The following MEGF9 variants were observed in gnomAD, a reference collection of about 807,000 sequenced individuals.
The protein encoded by MEGF9 is multiple EGF like domains 9.
A neutral mutation model predicts 46.8 loss-of-function variants in MEGF9; 6 were observed. The observed-to-expected ratio is 0.13, with a 90% CI of 0.07 to 0.25. MEGF9 has a LOEUF of 0.25. Among genes scored for constraint, MEGF9 ranks in the 10% least tolerant of loss-of-function variants. The pLI is 1.00. For missense variants in MEGF9, 683 were observed against 792.4 expected, an observed-to-expected ratio of 0.86 and a Z score of 1.66; for synonymous variants, 302 against 330.7, an observed-to-expected ratio of 0.91 and a Z score of 0.94.
chr9:120,626,319 T>C (rs1252533925), intron 2 of MEGF9, among the ~76,000 whole-genome samples: 7 of 152,238 alleles, frequency 4.6e-5, no homozygotes, highest in African/African-American at 1.7e-4. Flanking sequence ...TAAGTGTAAC[T>C]ATGCATATAC....
intron 1 of MEGF9, among the ~76,000 whole-genome samples, chr9:120,681,839 T>G (rs1246467014): frequency 6.6e-6 from 1 of 152,202 alleles, no homozygotes; most frequent in African/African-American, 2.4e-5. Context: ...TTTGAATAAC[T>G]TGAAATCCAG....
rs2043410031 is a variant in MEGF9, at chr9:120,604,266, G to A, written c.*924C>T. ...AATGTCCTCAAGAAGGACTAAAAAT[G>A]ACGGATGCTCACCAGAGTCCCAGCT... On this transcript the variant is annotated 3_prime_UTR_variant, in exon 6 of 6. Transcript: ENST00000373930. The A allele has an allele frequency of 6.6e-6, 1 of 152,382 alleles. No individual in the cohort carries two copies. The highest frequency in any genetic ancestry group is 2.4e-5 in the African/African-American group (1 of 41,456). 9.4% of individuals were successfully genotyped at this position (152,382 alleles called of 1,614,324 possible).
intron 3 of MEGF9, among the ~76,000 whole-genome samples, chr9:120,618,766 G>C (rs889197423): frequency 6.6e-6 from 1 of 151,890 alleles, no homozygotes; most frequent in African/African-American, 2.4e-5. Flanking sequence ...GGCGTGTGAT[G>C]GTGGGCGCCT....
chr9:120,708,135 A>AT (rs1456915860), intron 1 of MEGF9, among the ~76,000 whole-genome samples: 1 of 152,128 alleles, frequency 6.6e-6, no homozygotes, highest in East Asian at 1.9e-4. Context: ...AGGTGGGCGG[A>AT]TTGCCTGAGG....
intron 2 of MEGF9, among the ~76,000 whole-genome samples, chr9:120,656,084 G>C (rs148540447): frequency 2.0e-5 from 3 of 152,164 alleles, no homozygotes; most frequent in Non-Finnish European, 4.4e-5. Context: ...GGAAAAACAC[G>C]AACTGTGAAG....
intron 2 of MEGF9, among the ~76,000 whole-genome samples, chr9:120,656,546 C>CAAAA (rs11446439): frequency 1.0e-4 from 9 of 88,746 alleles, no homozygotes; most frequent in East Asian, 3.5e-4. Flanking sequence ...GACTCCGTCT[C>CAAAA]AAAAAAAAAA....
In MEGF9 at chr9:120,603,917, T is replaced by C. The variant is rs1366906583; in HGVS notation, c.*1273A>G. 1 of 152,642 alleles carries C rather than the reference T, an allele frequency of 6.6e-6. No homozygotes were observed. The highest frequency in any genetic ancestry group is 1.5e-5 in the Non-Finnish European group (1 of 68,040). 9.5% of individuals were successfully genotyped at this position (152,642 alleles called of 1,614,324 possible). A position where few individuals can be genotyped will look rare whatever the true frequency, so the allele number is the denominator to read the frequency against. ...GTGAGGGAGGATTATAAATATTTCA[T>C]AGGCATGAAAACTACAGATCCCAAG... On this transcript the variant is annotated 3_prime_UTR_variant, in exon 6 of 6. Transcript: ENST00000373930.
chr9:120,608,635 C>T (rs1177473573), intron 4 of MEGF9, among the ~76,000 whole-genome samples: 1 of 152,138 alleles, frequency 6.6e-6, no homozygotes, highest in Non-Finnish European at 1.5e-5. Context: ...AAATTCCAAA[C>T]TATATACTAA....
chr9:120,635,286 C>T (rs1433873954), intron 2 of MEGF9, among the ~76,000 whole-genome samples: 1 of 152,106 alleles, frequency 6.6e-6, no homozygotes, highest in Non-Finnish European at 1.5e-5. Context: ...CTATTAAGTA[C>T]CTTGGATGGG....
At position 120,605,081 on chromosome 9, in the gene MEGF9, T is replaced by G. The variant is rs1037329070; in HGVS notation, c.*109A>C. ...TTGTACCTGAAAATTTCAGATGCAC[T>G]ATTTGCCTTTGCTTTCTCAGCAAAC... is the stretch of plus-strand genomic sequence containing the variant. On this transcript the variant is annotated 3_prime_UTR_variant, in exon 6 of 6. Transcript: ENST00000373930. This position sits in a 1 kb window ranked among gnomAD's most constrained non-coding sequence, Gnocchi z 4.0. The G allele has an allele frequency of 9.2e-7, 1 of 1,090,366 alleles. No homozygotes were observed. The highest frequency in any genetic ancestry group is 1.6e-5 in the African/African-American group (1 of 63,820). 67.5% of individuals were successfully genotyped at this position (1,090,366 alleles called of 1,614,324 possible).
At chr9:120,625,011 T>C (rs2043517845) in intron 2 of MEGF9, among the ~76,000 whole-genome samples, 2 of 152,184 alleles carry the variant, frequency 1.3e-5, no homozygotes, top group South Asian at 4.1e-4. Flanking sequence ...TGGTGGCACA[T>C]GCCTATAGTC....
intron 1 of MEGF9, among the ~76,000 whole-genome samples, chr9:120,697,662 C>T (rs979409007): frequency 2.0e-5 from 3 of 152,144 alleles, no homozygotes; most frequent in Admixed American, 2.0e-4. Context: ...ATTTGCCATG[C>T]TTTTCTACCT....
chr9:120,622,633 C>T lies in MEGF9; in HGVS notation c.926G>A (p.Ser309Asn), dbSNP rs761031999. The T allele has an allele frequency of 2.1e-5, 34 of 1,613,614 alleles. No individual in the cohort carries two copies. The highest frequency in any genetic ancestry group is 2.9e-5 in the Non-Finnish European group (34 of 1,179,840). ...GTACGTACCTGTGAGGGCATCGCAA[C>T]TGGCAGACCGATTATTGCATTGGCA... The part of the protein sequence containing the change: ...LPCQCNNRSA[S>N]CDALTGACLN... Residue 309 changes from serine (S) to asparagine (N), a missense_variant, in exon 3 of 6, where the codon AGT becomes AAT. By Grantham distance (46) the Ser-to-Asn change is conservative. Coordinates refer to ENST00000373930, the MANE Select transcript of MEGF9 (RefSeq NM_001080497.3).
intron 1 of MEGF9, among the ~76,000 whole-genome samples, chr9:120,693,275 CAAAAAAAAAA>C: frequency 9.6e-6 from 1 of 104,468 alleles, no homozygotes; most frequent in South Asian, 3.4e-4. Context: ...TCTGGTTAAC[CAAAAAAAAAA>C]AAAAAAAAAG....
intron 1 of MEGF9, among the ~76,000 whole-genome samples, chr9:120,707,944 C>G (rs926488245): frequency 1.1e-4 from 16 of 152,290 alleles, no homozygotes; most frequent in African/African-American, 3.6e-4. Flanking sequence ...ACTAGGGAGG[C>G]TGAAGCAGGA....
intron 1 of MEGF9, among the ~76,000 whole-genome samples, chr9:120,687,071 A>T (rs970388152): frequency 2.1e-4 from 32 of 152,314 alleles, no homozygotes; most frequent in African/African-American, 7.7e-4. Flanking sequence ...CCTCCAAAAA[A>T]AATATCTAAT....
At chr9:120,665,380 T>C (rs1295285204) in intron 1 of MEGF9, among the ~76,000 whole-genome samples, 2 of 152,068 alleles carry the variant, frequency 1.3e-5, no homozygotes, top group African/African-American at 4.8e-5. Flanking sequence ...TAATTTTGTA[T>C]TTTTAGTAGA....
chr9:120,695,046 A>G (rs1188296504), intron 1 of MEGF9, among the ~76,000 whole-genome samples: 1 of 151,944 alleles, frequency 6.6e-6, no homozygotes, highest in Non-Finnish European at 1.5e-5. Context: ...TAAAAAAAAA[A>G]AAAAAGAGAG....
intron 1 of MEGF9, among the ~76,000 whole-genome samples, chr9:120,668,024 CAAAAT>C: frequency 6.6e-6 from 1 of 152,076 alleles, no homozygotes; most frequent in African/African-American, 2.4e-5. Flanking sequence ...GACCCTGTCT[CAAAAT>C]AAACAAACAA....
Sources: allele counts gnomAD v4.1 joint callset (sites outside exome capture counted in the v4.1 genomes callset), GRCh38; gene constraint gnomAD v4.1.1; non-coding constraint Gnocchi (gnomAD v3.1); transcripts MANE v1.5; gene names NCBI Gene and HGNC (gene_info 2026-07-23, HGNC 2026-07-21).